The following ZNF608 variants were observed in gnomAD, a reference collection of about 807,000 sequenced individuals.
ZNF608 encodes the protein zinc finger protein 608, also known as renal carcinoma antigen NY-REN-36.
In ZNF608, 12 loss-of-function variants were observed where a neutral mutation model predicts 109.0. That is an observed-to-expected ratio of 0.11 (90% confidence interval 0.07 to 0.18). ZNF608 has a LOEUF of 0.18. Ranked by LOEUF, ZNF608 falls within the 10% of genes least tolerant of loss-of-function variation. The pLI is 1.00. For missense variants in ZNF608, 1,707 were observed against 1,879.3 expected, an observed-to-expected ratio of 0.91 and a Z score of 1.70; for synonymous variants, 732 against 717.4, an observed-to-expected ratio of 1.02 and a Z score of -0.33.
At position 124,721,618 on chromosome 5, in the gene ZNF608, G is replaced by A. The variant is rs563134545; in HGVS notation, c.907-20349C>T. Among the ~76,000 whole-genome samples, 4 of 152,196 alleles carry A rather than the reference G, an allele frequency of 2.6e-5. No homozygotes were observed. In the East Asian group the frequency reaches 7.7e-4, roughly 29 times the overall value. Reference sequence around the variant, plus strand: ...AAGCAACTAAGGCTCAGAGCCAGTAGCTGTTGCCCAAGGGTCATAAAAGAA... The same window carrying A: ...AAGCAACTAAGGCTCAGAGCCAGTAACTGTTGCCCAAGGGTCATAAAAGAA... On this transcript the variant is annotated intron_variant, in intron 2 of 9. Coordinates refer to ENST00000513986, the MANE Select transcript of ZNF608 (RefSeq NM_020747.3).
At chr5:124,667,786 T>C (rs1751541383) in intron 3 of ZNF608, among the ~76,000 whole-genome samples, 1 of 152,102 alleles carries the variant, frequency 6.6e-6, no homozygotes, top group South Asian at 2.1e-4. Flanking sequence ...ACAACCGAGG[T>C]ACAAGGAAGG....
chr5:124,701,042 T>C lies in ZNF608; in HGVS notation c.1134A>G (p.Glu378=), dbSNP rs200716417. ...CTTCTGTTTCATGCCACACGATCCC[T>C]TCCAAATTCACACTGGTCCCAGGTT... ...PCEPGTSVNL[E]GIVWHETEEG... The change falls in exon 3 of 10, where the codon GAA becomes GAG. Residue 378 remains glutamate, a synonymous_variant. Coordinates refer to ENST00000513986, the MANE Select transcript of ZNF608 (RefSeq NM_020747.3). 6.2e-7 allele frequency: 1 copy of C among 1,614,042 alleles called. No individual in the cohort carries two copies. The highest frequency in any genetic ancestry group is 8.5e-7 in the Non-Finnish European group (1 of 1,180,012).
chr5:124,690,417 T>C (rs1468072408), intron 3 of ZNF608, among the ~76,000 whole-genome samples: 3 of 152,230 alleles, frequency 2.0e-5, no homozygotes, highest in Non-Finnish European at 4.4e-5. Flanking sequence ...TTGTAACACA[T>C]GTACCACTCT....
chr5:124,744,104 T>G lies in ZNF608; in HGVS notation c.886A>C (p.Lys296Gln). ...EEEEESHRRI[K>Q]KLKTEKVDPL... ...CCTACCTTCTCAGTTTTCAGTTTCT[T>G]GATTCGCCTGTGGCTCTCCTCCTCC... is the stretch of plus-strand genomic sequence containing the variant. Residue 296 changes from lysine (K) to glutamine (Q), a missense_variant, in exon 2 of 10, where the codon AAG becomes CAG. By Grantham distance (53) the Lys-to-Gln change is moderately conservative. Transcript: ENST00000513986. The surrounding 1 kb of genome is among the most constrained non-coding windows in gnomAD (Gnocchi z 4.5). The G allele has an allele frequency of 6.3e-7, 1 of 1,594,338 alleles. No individual in the cohort carries two copies. Among genetic ancestry groups the G allele is most frequent in the South Asian group, 1.1e-5 (1 of 88,530 alleles).
chr5:124,695,030 A>ATTAATTAAT (rs1298784672), intron 3 of ZNF608, among the ~76,000 whole-genome samples: 5 of 152,122 alleles, frequency 3.3e-5, no homozygotes, highest in Non-Finnish European at 7.4e-5. Flanking sequence ...TCTCATTAGC[A>ATTAATTAAT]TGGTAATTAA....
In ZNF608 at chr5:124,744,451, C is replaced by G. The variant is rs1269958707; in HGVS notation, c.539G>C (p.Gly180Ala). 6.2e-7 allele frequency: 1 copy of G among 1,614,222 alleles called. No homozygotes were observed. The highest frequency in any genetic ancestry group is 1.3e-5 in the African/African-American group (1 of 75,050). ...TTTGCTTTTCCCACAGGAGCCTGCC[C>G]CCGCGGTGGCGGCAGAGGTGCTGGT... ...TSTSTSAATAGAGSCGKSKEE... is the reference protein window; with the variant it reads ...TSTSTSAATAAAGSCGKSKEE... The change falls in exon 2 of 10, where the codon GGG (glycine) becomes GCG (alanine). Residue 180 changes from glycine to alanine, a missense_variant. Around this residue, in one of 7 missense-constraint regions of ZNF608, gnomAD observed 407 missense variants for 398.7 expected, o/e 1.02. Transcript: ENST00000513986. The surrounding 1 kb of genome is among the most constrained non-coding windows in gnomAD (Gnocchi z 4.5).
intron 3 of ZNF608, among the ~76,000 whole-genome samples, chr5:124,693,974 CTTT>C (rs746610497): frequency 3.3e-5 from 2 of 60,932 alleles, no homozygotes; most frequent in African/African-American, 7.6e-5. Flanking sequence ...TTTCATTAAT[CTTT>C]TTTTTTTTTT....
chr5:124,729,028 G>GGGA (rs1415688928), intron 2 of ZNF608, among the ~76,000 whole-genome samples: 1 of 152,168 alleles, frequency 6.6e-6, no homozygotes, highest in Non-Finnish European at 1.5e-5. Context: ...TTTACAAAAG[G>GGGA]GGAGGAGACC....
At chr5:124,732,014 A>G (rs1416218495) in intron 2 of ZNF608, among the ~76,000 whole-genome samples, 3 of 152,156 alleles carry the variant, frequency 2.0e-5, no homozygotes, top group African/African-American at 7.2e-5. Flanking sequence ...TTGCTCCCCA[A>G]TTCCTACAAT....
chr5:124,660,605 G>A (rs982008594), intron 3 of ZNF608, among the ~76,000 whole-genome samples: 4 of 152,176 alleles, frequency 2.6e-5, no homozygotes, highest in Admixed American at 2.6e-4. Context: ...GACAGAGGCA[G>A]ACTCACCTGT....
At chr5:124,639,324 AACAC>A in intron 8 of ZNF608, 110 bp from the exon 9 acceptor site, 1 of 830,400 alleles carries the variant, frequency 1.2e-6, no homozygotes, top group Non-Finnish European at 2.0e-6. Flanking sequence ...TCCTCTCCTA[AACAC>A]ACACATGAAC....
intron 2 of ZNF608, among the ~76,000 whole-genome samples, chr5:124,739,217 A>G (rs1749276488): frequency 1.3e-5 from 2 of 152,210 alleles, no homozygotes; most frequent in Admixed American, 1.3e-4. Context: ...GCTTCAATAA[A>G]AGACCTCAAA....
intron 3 of ZNF608, among the ~76,000 whole-genome samples, chr5:124,683,389 A>G (rs1352687627): frequency 2.0e-5 from 3 of 152,198 alleles, no homozygotes; most frequent in Non-Finnish European, 4.4e-5. Flanking sequence ...CTCATAACTC[A>G]TAATTATATT....
intron 2 of ZNF608, among the ~76,000 whole-genome samples, chr5:124,736,444 A>G (rs887590728): frequency 6.6e-6 from 1 of 152,238 alleles, no homozygotes; most frequent in African/African-American, 2.4e-5. Context: ...CGCTTTGGAA[A>G]AAAAAGTTAG....
intron 2 of ZNF608, among the ~76,000 whole-genome samples, chr5:124,736,635 G>A (rs1157528676): frequency 1.3e-5 from 2 of 151,860 alleles, no homozygotes; most frequent in African/African-American, 4.8e-5. Context: ...ACCTAACTAG[G>A]AACAACTTAG....
intron 3 of ZNF608, among the ~76,000 whole-genome samples, chr5:124,655,903 G>A: frequency 6.6e-6 from 1 of 152,188 alleles, no homozygotes; most frequent in Admixed American, 6.5e-5. Context: ...AATTTAAAAT[G>A]TACAACTAAG....
chr5:124,643,578 G>C lies in ZNF608; in HGVS notation c.4229C>G (p.Thr1410Ser). 6.2e-7 allele frequency: 1 copy of C among 1,614,198 alleles called. No homozygotes were observed. The highest frequency in any genetic ancestry group is 1.7e-5 in the Admixed American group (1 of 60,024). Residue 1410 changes from threonine to serine, a missense_variant, in exon 7 of 10, where the codon ACC becomes AGC. Thr to Ser is a moderately conservative substitution (Grantham distance 58, BLOSUM62 1). Coordinates refer to ENST00000513986, the MANE Select transcript of ZNF608 (RefSeq NM_020747.3). ...CAAATCCAGTGCTTTAGATTCAGTGGTTGTTTTCGTGTTGACGCTAGGGCT... is the reference window on the plus strand; with the variant it reads ...CAAATCCAGTGCTTTAGATTCAGTGCTTGTTTTCGTGTTGACGCTAGGGCT... ...NTSPSVNTKT[T>S]TESKALDLLQ...
chr5:124,666,388 A>G (rs1392014248), intron 3 of ZNF608: 1 of 152,224 alleles, frequency 6.6e-6, no homozygotes, highest in African/African-American at 2.4e-5. Context: ...CAAGCGGCCC[A>G]TTGCTTCTAA....
intron 3 of ZNF608, among the ~76,000 whole-genome samples, chr5:124,670,250 A>C (rs1751658466): frequency 6.6e-6 from 1 of 152,138 alleles, no homozygotes; most frequent in African/African-American, 2.4e-5. Context: ...TCAAAATATT[A>C]ATATAATCTC....
Sources: gnomAD v4.1 joint callset for allele counts (sites outside exome capture counted in the v4.1 genomes callset) on GRCh38, gnomAD v4.1.1 for gene constraint, gnomAD v4.1.1 regional missense constraint, Gnocchi (gnomAD v3.1) non-coding constraint, MANE v1.5 for transcripts, NCBI Gene and HGNC (gene_info 2026-07-23, HGNC 2026-07-21) for gene names.